C6orf62: variants seen among roughly 807,000 people sequenced by gnomAD.
The protein encoded by C6orf62 is chromosome 6 open reading frame 62, also known as uncharacterized protein C6orf62.
A neutral mutation model predicts 26.8 loss-of-function variants in C6orf62; 16 were observed. That is an observed-to-expected ratio of 0.60 (90% CI 0.40 to 0.91). The LOEUF (loss-of-function observed/expected upper bound fraction) is 0.91, where lower values mean the gene tolerates loss of function less well. Among genes scored for constraint, C6orf62 ranks in the 40% least tolerant of loss-of-function variants. The pLI is 0.00. For missense variants in C6orf62, 192 were observed against 271.4 expected (o/e 0.71, Z 2.06); for synonymous variants, 112 against 91.5 (o/e 1.22, Z -1.28).
At position 24,706,127 on chromosome 6, in the gene C6orf62, G is replaced by A. The variant is rs550859079; in HGVS notation, c.*10C>T. 7 of 1,613,698 alleles carry A rather than the reference G, an allele frequency of 4.3e-6. No homozygotes were observed. The highest frequency in any genetic ancestry group is 5.1e-6 in the Non-Finnish European group (6 of 1,179,848). On this transcript the variant is annotated 3_prime_UTR_variant, in exon 5 of 5. Coordinates refer to ENST00000378119, the MANE Select transcript of C6orf62 (RefSeq NM_030939.5). ...ATTCTCTGATCTTCTCCATTTTGCTGGTCAGTACTCTACTCTGGCATATAA... is the reference window on the plus strand; with the variant it reads ...ATTCTCTGATCTTCTCCATTTTGCTAGTCAGTACTCTACTCTGGCATATAA...
At chr6:24,719,326 C>G (rs1018037596), upstream of C6orf62, 1 of 995,734 alleles carries the variant, frequency 1.0e-6, no homozygotes, top group Non-Finnish European at 1.2e-6. Context: ...ATTGTCAGTG[C>G]TTGTTATTGA....
At chr6:24,719,393 G>T (rs893843721), upstream of C6orf62, 1 of 1,010,288 alleles carries the variant, frequency 9.9e-7, no homozygotes, top group Non-Finnish European at 1.2e-6. Context: ...AGGAAAGGGA[G>T]AGGTACAGGG....
rs1264009199 is a variant in C6orf62, at chr6:24,704,915, CT to C, written c.*1221del. The C allele has an allele frequency of 6.6e-6, 1 of 152,120 alleles. No individual in the cohort carries two copies. The highest frequency in any genetic ancestry group is 1.5e-5 in the Non-Finnish European group (1 of 67,948). The allele number at this position is 152,120 out of a possible 1,614,324, so 9.4% of individuals were successfully genotyped here. A position where few individuals can be genotyped will look rare whatever the true frequency, so the allele number is the denominator to read the frequency against. ...CTTTCACCTATTTTATTTAGGTTTTCTTTTTCTTTTTTTCTTTTTTTTTCAA... is the reference window on the plus strand; with the variant it reads ...CTTTCACCTATTTTATTTAGGTTTTCTTTTCTTTTTTTCTTTTTTTTTCAA... On this transcript the variant is annotated 3_prime_UTR_variant, in exon 5 of 5. Coordinates refer to ENST00000378119, the MANE Select transcript of C6orf62 (RefSeq NM_030939.5).
intron 2 of C6orf62, 59 bp from the exon 3 acceptor site, chr6:24,714,499 T>C: frequency 1.5e-6 from 2 of 1,329,012 alleles, no homozygotes; most frequent in Non-Finnish European, 1.0e-6. Flanking sequence ...CATCAAGCCA[T>C]GTCACAAATT....
intron 1 of C6orf62, among the ~76,000 whole-genome samples, chr6:24,718,252 C>A (rs1290445062): frequency 1.3e-5 from 2 of 152,146 alleles, no homozygotes; most frequent in African/African-American, 4.8e-5. Context: ...CATGTTAACT[C>A]CATATAAAAT....
chr6:24,719,937 G>A (rs781294285), upstream of C6orf62: 13 of 1,550,352 alleles, frequency 8.4e-6, 1 homozygote, highest in South Asian at 1.3e-4. Flanking sequence ...GGGTGGAGTG[G>A]GCGGGAGAGG....
rs551930219 is a variant in C6orf62, at chr6:24,711,920, A to G, written c.429+2398T>C. On this transcript the variant is annotated intron_variant, in intron 3 of 4. Coordinates refer to ENST00000378119, the MANE Select transcript of C6orf62 (RefSeq NM_030939.5). ...ACTCAGTCCAGAATTTTAAGATTCT[A>G]TAATTAATATAGGTAAATTTTCACA... Among the ~76,000 whole-genome samples the G allele has an allele frequency of 2.6e-5, 4 of 152,342 alleles. No individual in the cohort carries two copies. In the South Asian group the frequency reaches 8.3e-4, roughly 32 times the overall value.
intron 1 of C6orf62, 54 bp from the exon 2 acceptor site, chr6:24,716,378 C>A: frequency 7.8e-7 from 1 of 1,285,044 alleles, no homozygotes; most frequent in South Asian, 1.2e-5. Context: ...CCTTTTAACA[C>A]TCAGTTCATA....
At chr6:24,719,929 G>C, upstream of C6orf62, 1 of 1,550,502 alleles carries the variant, frequency 6.4e-7, no homozygotes, top group Non-Finnish European at 8.7e-7. Flanking sequence ...TCCCGCCCGG[G>C]TGGAGTGGGC....
chr6:24,717,378 G>C (rs1252645674), intron 1 of C6orf62, among the ~76,000 whole-genome samples: 1 of 152,222 alleles, frequency 6.6e-6, no homozygotes, highest in African/African-American at 2.4e-5. Flanking sequence ...CAAAAGTGGA[G>C]ATGTAAGTCC....
At chr6:24,708,650 T>C in intron 4 of C6orf62, 127 bp downstream of exon 4, 5 of 1,362,338 alleles carry the variant, frequency 3.7e-6, no homozygotes, top group Non-Finnish European at 5.1e-6. Flanking sequence ...TTTTTTGCTT[T>C]TTAAATAACT....
intron 3 of C6orf62, 90 bp from the exon 4 acceptor site, chr6:24,709,001 C>A: frequency 1.6e-5 from 25 of 1,548,728 alleles, no homozygotes; most frequent in Non-Finnish European, 2.2e-5. Context: ...TCCAATAAAG[C>A]AGCCAACAGT....
At position 24,714,320 on chromosome 6, in the gene C6orf62, G is replaced by A; in HGVS notation, c.427C>T (p.Gln143Ter). The change falls in exon 3 of 5, where the codon CAG becomes TAG. Residue 143 changes from glutamine to a stop codon, truncating the protein, a stop_gained and splice_region_variant. Coordinates refer to ENST00000378119, the MANE Select transcript of C6orf62 (RefSeq NM_030939.5). LOFTEE classifies it high-confidence loss of function. Reference protein sequence around the residue: ...KESDEPFRPVQAKFEFHHGDY... With the variant: ...KESDEPFRPV ...CATCACACTTTAGACCAAAATACCT[G>A]AACAGGCCTAAAAGGCTCATCAGAT... is the stretch of plus-strand genomic sequence containing the variant. 6.2e-7 allele frequency: 1 copy of A among 1,603,752 alleles called. No individual in the cohort carries two copies. Among genetic ancestry groups the A allele is most frequent in the Non-Finnish European group, 8.5e-7 (1 of 1,176,570 alleles).
In C6orf62 at chr6:24,718,734, G is replaced by C. The variant is rs1238467923; in HGVS notation, c.-66C>G. On this transcript the variant is annotated 5_prime_UTR_variant, in exon 1 of 5. Coordinates refer to ENST00000378119, the MANE Select transcript of C6orf62 (RefSeq NM_030939.5). Reference sequence around the variant, plus strand: ...CTAAACTATGGGCACTTTTTCTTAAGACTCAAGTACAACAGAAACAAGTCA... The same window carrying C: ...CTAAACTATGGGCACTTTTTCTTAACACTCAAGTACAACAGAAACAAGTCA... The C allele has an allele frequency of 1.3e-6, 2 of 1,596,312 alleles. No individual in the cohort carries two copies.
chr6:24,718,458 T>C lies in C6orf62; in HGVS notation c.129+82A>G, dbSNP rs1263028552. 4.5e-6 allele frequency: 6 copies of C among 1,338,978 alleles called. No homozygotes were observed. The African/African-American group carries it at 9.0e-5, about 20-fold the overall frequency. 82.9% of individuals were successfully genotyped at this position (1,338,978 alleles called of 1,614,324 possible). A position where few individuals can be genotyped will look rare whatever the true frequency, so the allele number is the denominator to read the frequency against. On this transcript the variant is annotated intron_variant, in intron 1 of 4. Transcript: ENST00000378119. ...TTTTCAACCACTCTTTAACCTAATA[T>C]TCATAATAATTTAAGAGTAACAAAT...
At chr6:24,719,900 A>G (rs1430470142), upstream of C6orf62, 7 of 1,548,442 alleles carry the variant, frequency 4.5e-6, no homozygotes, top group Non-Finnish European at 6.1e-6. Context: ...GTTTTCACTC[A>G]TTTCATCGTG....
intron 3 of C6orf62, among the ~76,000 whole-genome samples, chr6:24,713,437 A>T (rs909462136): frequency 2.6e-5 from 4 of 152,216 alleles, no homozygotes; most frequent in African/African-American, 9.6e-5. Context: ...TGTGAAAAAC[A>T]TAAGCACCAC....
rs751628252 is a variant in C6orf62, at chr6:24,718,924, GAGGAAAGAA to G, written c.-265_-257del. The G allele has an allele frequency of 1.5e-4, 193 of 1,275,098 alleles. No homozygotes were observed. The highest frequency in any genetic ancestry group is 2.2e-4 in the African/African-American group (14 of 64,410). The allele number at this position is 1,275,098 out of a possible 1,614,324, so 79.0% of individuals were successfully genotyped here. ...CGTTTGGGGTCAGACGGGAAAAAGG[GAGGAAAGAA>G]AGGAAAGAAAGAGGAGAAAATAACT... is the stretch of plus-strand genomic sequence containing the variant. On this transcript the variant is annotated 5_prime_UTR_variant, in exon 1 of 5. Coordinates refer to ENST00000378119, the MANE Select transcript of C6orf62 (RefSeq NM_030939.5).
chr6:24,705,860 T>C lies in C6orf62; in HGVS notation c.*277A>G, dbSNP rs1467200164. On this transcript the variant is annotated 3_prime_UTR_variant, in exon 5 of 5. Transcript: ENST00000378119. ...TACATTTAAGCATTTCAGTGTACAA[T>C]AGTCCTTTCATTTCACATTTTTAGT... 19 of 308,060 alleles carry C rather than the reference T, an allele frequency of 6.2e-5. No homozygotes were observed. The highest frequency in any genetic ancestry group is 2.1e-4 in the South Asian group (4 of 18,896). 19.1% of individuals were successfully genotyped at this position (308,060 alleles called of 1,614,324 possible).
Sources: gnomAD v4.1 joint callset for allele counts (sites outside exome capture counted in the v4.1 genomes callset) on GRCh38, gnomAD v4.1.1 for gene constraint, MANE v1.5 for transcripts, NCBI Gene and HGNC (gene_info 2026-07-23, HGNC 2026-07-21) for gene names.